PRPH: variants seen among roughly 807,000 people sequenced by gnomAD.
The protein encoded by PRPH is peripherin.
Under a neutral mutation model 52.6 loss-of-function variants are expected in PRPH, and 48 were observed. That is an observed-to-expected ratio of 0.91 (90% CI 0.72 to 1.16). The LOEUF (loss-of-function observed/expected upper bound fraction) is 1.16. Ranked by LOEUF, PRPH falls within the 50% of genes most tolerant of loss-of-function variation. The pLI is 0.00. For missense variants in PRPH, 579 were observed against 635.7 expected (o/e 0.91, Z 0.96); for synonymous variants, 279 against 283.8 (o/e 0.98, Z 0.17).
In PRPH at chr12:49,296,382, G is replaced by T; in HGVS notation, c.607-50G>T. The T allele has an allele frequency of 6.3e-7, 1 of 1,597,828 alleles. No homozygotes were observed. Among genetic ancestry groups the T allele is most frequent in the Non-Finnish European group, 8.6e-7 (1 of 1,166,050 alleles). On this transcript the variant is annotated intron_variant, in intron 2 of 8. Transcript: ENST00000257860. This position sits in a 1 kb window ranked among gnomAD's most constrained non-coding sequence, Gnocchi z 5.1. ...ACAGGGAAGGCCTGGTCCTTCCTTG[G>T]TCTGCGCAGCCCCTAACTTATCTTG...
rs774399677 is a variant in PRPH, at chr12:49,296,493, A to ATGAGATTGAG, written c.670_679dup (p.Phe227Ter). ...GAGCGCAAGATTGAGTCTCTGATGGATGAGATTGAGTTCCTCAAGAAGCTG... is the reference window on the plus strand; with the variant it reads ...GAGCGCAAGATTGAGTCTCTGATGGATGAGATTGAGTGAGATTGAGTTCCTCAAGAAGCTG... On this transcript the variant is annotated frameshift_variant, in exon 3 of 9. Coordinates refer to ENST00000257860, the MANE Select transcript of PRPH (RefSeq NM_006262.4). LOFTEE classifies it high-confidence loss of function. This position sits in a 1 kb window ranked among gnomAD's most constrained non-coding sequence, Gnocchi z 5.1. 1.2e-5 allele frequency: 19 copies of ATGAGATTGAG among 1,614,154 alleles called. No individual in the cohort carries two copies. Among genetic ancestry groups the ATGAGATTGAG allele is most frequent in the South Asian group, 2.2e-5 (2 of 91,072 alleles).
chr12:49,297,914 T>C lies in PRPH; in HGVS notation c.1268-44T>C. ...AGCAGTGGGAGCCTAAGAGGAGAGATTCCCACGCCTTCCCCCTTGAACCCT... is the reference window on the plus strand; with the variant it reads ...AGCAGTGGGAGCCTAAGAGGAGAGACTCCCACGCCTTCCCCCTTGAACCCT... On this transcript the variant is annotated intron_variant, in intron 7 of 8. Coordinates refer to ENST00000257860, the MANE Select transcript of PRPH (RefSeq NM_006262.4). The surrounding 1 kb of genome is among the most constrained non-coding windows in gnomAD (Gnocchi z 4.4). 1 of 1,607,080 alleles carries C rather than the reference T, an allele frequency of 6.2e-7. No homozygotes were observed. The highest frequency in any genetic ancestry group is 8.5e-7 in the Non-Finnish European group (1 of 1,173,794).
Position 49,297,297 on chromosome 12 carries a change from G to A in PRPH, c.996+24G>A, listed in dbSNP as rs1485349717. 2.5e-6 allele frequency: 4 copies of A among 1,613,704 alleles called. No individual in the cohort carries two copies. Among genetic ancestry groups the A allele is most frequent in the Admixed American group, 1.7e-5 (1 of 59,990 alleles). The stretch of plus-strand genomic sequence containing the variant: ...CGGTGAGTACGAAGCTGCGCGCTCG[G>A]GCCCGGGGAGCGGACGATGAAATGT... On this transcript the variant is annotated intron_variant, in intron 5 of 8. Transcript: ENST00000257860. The surrounding 1 kb of genome is among the most constrained non-coding windows in gnomAD (Gnocchi z 4.4).
At position 49,295,760 on chromosome 12, in the gene PRPH, C is replaced by A. The variant is rs1010820867; in HGVS notation, c.545+15C>A. 6 of 1,465,588 alleles carry A rather than the reference C, an allele frequency of 4.1e-6. No individual in the cohort carries two copies. The African/African-American group carries it at 8.6e-5, about 21-fold the overall frequency. The allele number at this position is 1,465,588 out of a possible 1,614,324, so 90.8% of individuals were successfully genotyped here. On this transcript the variant is annotated intron_variant, in intron 1 of 8. Coordinates refer to ENST00000257860, the MANE Select transcript of PRPH (RefSeq NM_006262.4). ...CTCAAGCAGAGGTCAGGGGGCAGGG[C>A]TGGGCCGCTGCCGTCGAGGCGAGGT... is the stretch of plus-strand genomic sequence containing the variant.
rs1943207704 is a variant in PRPH at position 49,297,746 on chromosome 12, T to C, written c.1267+20T>C. 2 of 1,611,218 alleles carry C rather than the reference T, an allele frequency of 1.2e-6. No homozygotes were observed. The highest frequency in any genetic ancestry group is 1.3e-5 in the African/African-American group (1 of 74,830). On this transcript the variant is annotated intron_variant, in intron 7 of 8. Coordinates refer to ENST00000257860, the MANE Select transcript of PRPH (RefSeq NM_006262.4). The surrounding 1 kb of genome is among the most constrained non-coding windows in gnomAD (Gnocchi z 4.4). ...CGACTGGTGAGTCTGGCTTACAGCC[T>C]GTACCTCTCCTTGTCCACTTCTGCC...
At position 49,297,381 on chromosome 12, in the gene PRPH, A is replaced by G. The variant is rs1454697514; in HGVS notation, c.1021A>G (p.Arg341Gly). ...GTNEALLRQL[R>G]ELEEQFALEA... ...GAACGAGGCGCTGCTCAGGCAGTTG[A>G]GAGAGCTGGAGGAGCAGTTCGCCCT... Residue 341 changes from arginine to glycine, a missense_variant, in exon 6 of 9, where the codon AGA becomes GGA. Arg to Gly is a moderately radical substitution (Grantham distance 125). Transcript: ENST00000257860. This position sits in a 1 kb window ranked among gnomAD's most constrained non-coding sequence, Gnocchi z 4.4. 4 of 1,613,448 alleles carry G rather than the reference A, an allele frequency of 2.5e-6. No individual in the cohort carries two copies. The highest frequency in any genetic ancestry group is 4.5e-5 in the East Asian group (2 of 44,872).
chr12:49,296,997 C>T lies in PRPH; in HGVS notation c.811C>T (p.Gln271Ter), dbSNP rs1053264674. 34 of 1,613,662 alleles carry T rather than the reference C, an allele frequency of 2.1e-5. No individual in the cohort carries two copies. The highest frequency in any genetic ancestry group is 2.7e-5 in the Non-Finnish European group (32 of 1,179,974). ...GGCAGCGCTGAGGGACATCCGCGCG[C>T]AGTACGAGAGCATCGCCGCGAAGAA... is the stretch of plus-strand genomic sequence containing the variant. Reference protein sequence around the residue: ...LTAALRDIRAQYESIAAKNLQ... With the variant: ...LTAALRDIRA The change falls in exon 4 of 9, where the codon CAG (glutamine) becomes TAG (stop). Residue 271 changes from glutamine to a stop codon, truncating the protein, a stop_gained. Transcript: ENST00000257860. LOFTEE classifies it high-confidence loss of function. This position sits in a 1 kb window ranked among gnomAD's most constrained non-coding sequence, Gnocchi z 5.1.
chr12:49,295,175 A>C lies in PRPH; in HGVS notation c.-26A>C. 6.2e-7 allele frequency: 1 copy of C among 1,606,956 alleles called. No homozygotes were observed. The highest frequency in any genetic ancestry group is 8.5e-7 in the Non-Finnish European group (1 of 1,178,112). On this transcript the variant is annotated 5_prime_UTR_variant, in exon 1 of 9. Coordinates refer to ENST00000257860, the MANE Select transcript of PRPH (RefSeq NM_006262.4). ...CCCAGCCCCCGGCCTAGCTCTGCGAACGGTGACTGCCCATCCTTGGCCGCA... is the reference window on the plus strand; with the variant it reads ...CCCAGCCCCCGGCCTAGCTCTGCGACCGGTGACTGCCCATCCTTGGCCGCA...
In PRPH at chr12:49,297,363, G is replaced by A. The variant is rs980280041; in HGVS notation, c.1003G>A (p.Ala335Thr). 1 of 1,613,660 alleles carries A rather than the reference G, an allele frequency of 6.2e-7. No homozygotes were observed. The highest frequency in any genetic ancestry group is 8.5e-7 in the Non-Finnish European group (1 of 1,179,960). Residue 335 changes from alanine (A) to threonine (T), a missense_variant, in exon 6 of 9, where the codon GCG becomes ACG. Transcript: ENST00000257860. The surrounding 1 kb of genome is among the most constrained non-coding windows in gnomAD (Gnocchi z 4.4). The part of the protein sequence containing the change: ...EVDGLRGTNE[A>T]LLRQLRELEE... ...TTCCACTCTCCTACCCCAGAACGAG[G>A]CGCTGCTCAGGCAGTTGAGAGAGCT...
At position 49,297,523 on chromosome 12, in the gene PRPH, C is replaced by T; in HGVS notation, c.1163C>T (p.Ala388Val). ...EYQELLNVKMALDIEIATYRK... is the reference protein window; with the variant it reads ...EYQELLNVKMVLDIEIATYRK... ...CAGGAGCTCCTCAACGTCAAGATGGCCCTGGACATCGAGATCGCCACCTAC... is the reference window on the plus strand; with the variant it reads ...CAGGAGCTCCTCAACGTCAAGATGGTCCTGGACATCGAGATCGCCACCTAC... Residue 388 changes from alanine to valine, a missense_variant, in exon 6 of 9, where the codon GCC becomes GTC. By Grantham distance (64) the Ala-to-Val change is moderately conservative (BLOSUM62 0). Coordinates refer to ENST00000257860, the MANE Select transcript of PRPH (RefSeq NM_006262.4). This position sits in a 1 kb window ranked among gnomAD's most constrained non-coding sequence, Gnocchi z 4.4. 3 of 1,612,352 alleles carry T rather than the reference C, an allele frequency of 1.9e-6. No homozygotes were observed. The highest frequency in any genetic ancestry group is 2.5e-6 in the Non-Finnish European group (3 of 1,179,902).
chr12:49,297,844 C>G lies in PRPH; in HGVS notation c.1268-114C>G. Reference sequence around the variant, plus strand: ...CGGAACTTCTGGGTCCTGGCCTGTACCCACCCCTACTCCTCAAACCCGCCC... The same window carrying G: ...CGGAACTTCTGGGTCCTGGCCTGTAGCCACCCCTACTCCTCAAACCCGCCC... On this transcript the variant is annotated intron_variant, in intron 7 of 8. Transcript: ENST00000257860. This position sits in a 1 kb window ranked among gnomAD's most constrained non-coding sequence, Gnocchi z 4.4. 2.5e-6 allele frequency: 4 copies of G among 1,578,250 alleles called. No individual in the cohort carries two copies. Among genetic ancestry groups the G allele is most frequent in the Non-Finnish European group, 3.5e-6 (4 of 1,148,310 alleles).
chr12:49,296,063 A>C lies in PRPH; in HGVS notation c.546-115A>C, dbSNP rs1943174290. 2 of 1,351,986 alleles carry C rather than the reference A, an allele frequency of 1.5e-6. No homozygotes were observed. The highest frequency in any genetic ancestry group is 2.5e-5 in the South Asian group (2 of 80,350). 83.7% of individuals were successfully genotyped at this position (1,351,986 alleles called of 1,614,324 possible). The stretch of plus-strand genomic sequence containing the variant: ...TTCCATTAGACAGCCTCAGCCCTCC[A>C]TTTAGAGTCCTGGGCAGCAGAACAG... On this transcript the variant is annotated intron_variant, in intron 1 of 8. Coordinates refer to ENST00000257860, the MANE Select transcript of PRPH (RefSeq NM_006262.4). The surrounding 1 kb of genome is among the most constrained non-coding windows in gnomAD (Gnocchi z 5.1).
rs1366976826 is a variant in PRPH, at chr12:49,295,296, C to T, written c.96C>T (p.Phe32=). The T allele has an allele frequency of 3.7e-6, 6 of 1,611,842 alleles. No individual in the cohort carries two copies. Among genetic ancestry groups the T allele is most frequent in the Non-Finnish European group, 5.1e-6 (6 of 1,179,662 alleles). Residue 32 remains phenylalanine (F), a synonymous_variant, in exon 1 of 9, where the codon TTC becomes TTT. Transcript: ENST00000257860. ...CGCCCTCACTATCCCCCGGGGCCTT[C>T]TCCTACTCGTCCAGCTCCCGCTTCT... The part of the protein sequence containing the change: ...GPPPSLSPGA[F]SYSSSSRFSS...
Position 49,297,182 on chromosome 12 carries a change from A to T in PRPH, c.905A>T (p.His302Leu), listed in dbSNP as rs1265192073. ...CTGTCCGACGCTGCCAACCGGAACCACGAGGCCCTGCGCCAGGCCAAGCAG... is the reference window on the plus strand; with the variant it reads ...CTGTCCGACGCTGCCAACCGGAACCTCGAGGCCCTGCGCCAGGCCAAGCAG... ...ADLSDAANRNHEALRQAKQEM... is the reference protein window; with the variant it reads ...ADLSDAANRNLEALRQAKQEM... The change falls in exon 5 of 9, where the codon CAC becomes CTC. Residue 302 changes from histidine to leucine, a missense_variant. Transcript: ENST00000257860. The surrounding 1 kb of genome is among the most constrained non-coding windows in gnomAD (Gnocchi z 4.4). 6.2e-7 allele frequency: 1 copy of T among 1,613,990 alleles called. No homozygotes were observed. The highest frequency in any genetic ancestry group is 2.2e-5 in the East Asian group (1 of 44,864).
In PRPH at chr12:49,296,105, G is replaced by A; in HGVS notation, c.546-73G>A. 1 of 1,498,618 alleles carries A rather than the reference G, an allele frequency of 6.7e-7. No homozygotes were observed. Among genetic ancestry groups the A allele is most frequent in the Non-Finnish European group, 9.1e-7 (1 of 1,096,406 alleles). The allele number at this position is 1,498,618 out of a possible 1,614,324, so 92.8% of individuals were successfully genotyped here. On this transcript the variant is annotated intron_variant, in intron 1 of 8. Transcript: ENST00000257860. The surrounding 1 kb of genome is among the most constrained non-coding windows in gnomAD (Gnocchi z 5.1). ...GCAGAACAGCCTCTAACCGGATCCT[G>A]GGGGGCGTGCGGTCTGGGGTGCGAG...
Position 49,296,719 on chromosome 12 carries a change from C to T in PRPH, c.703-170C>T, listed in dbSNP as rs1157721364. The T allele has an allele frequency of 2.5e-5, 30 of 1,212,074 alleles. No individual in the cohort carries two copies. Among genetic ancestry groups the T allele is most frequent in the Non-Finnish European group, 3.5e-5 (30 of 868,586 alleles). 75.1% of individuals were successfully genotyped at this position (1,212,074 alleles called of 1,614,324 possible). On this transcript the variant is annotated intron_variant, in intron 3 of 8. Transcript: ENST00000257860. This position sits in a 1 kb window ranked among gnomAD's most constrained non-coding sequence, Gnocchi z 5.1. The stretch of plus-strand genomic sequence containing the variant: ...GCGGCGGGCAGCGGGGCTGTACCTC[C>T]GAAACCTGGCCTCTGGTCTCGCGCC...
intron 1 of PRPH, chr12:49,295,950 G>A: frequency 6.9e-7 from 1 of 1,445,990 alleles, no homozygotes; most frequent in Non-Finnish European, 9.1e-7. Flanking sequence ...TGTTTGGGGA[G>A]GTGGGAGAAG....
At position 49,296,140 on chromosome 12, in the gene PRPH, G is replaced by T; in HGVS notation, c.546-38G>T. 6.9e-6 allele frequency: 11 copies of T among 1,602,584 alleles called. No individual in the cohort carries two copies. The highest frequency in any genetic ancestry group is 9.4e-6 in the Non-Finnish European group (11 of 1,176,120). ...CGGTCTGGGGTGCGAGCTGGGCGGC[G>T]ACCCCGCAGTTCAGCCTCTGCACGC... On this transcript the variant is annotated intron_variant, in intron 1 of 8. Transcript: ENST00000257860. This position sits in a 1 kb window ranked among gnomAD's most constrained non-coding sequence, Gnocchi z 5.1.
Position 49,296,699 on chromosome 12 carries a change from G to A in PRPH, c.702+172G>A. On this transcript the variant is annotated intron_variant, in intron 3 of 8. Transcript: ENST00000257860. This position sits in a 1 kb window ranked among gnomAD's most constrained non-coding sequence, Gnocchi z 5.1. ...TCCCACCCTTGCGCCACCTGGCGGC[G>A]GGCAGCGGGGCTGTACCTCCGAAAC... 1 of 1,138,650 alleles carries A rather than the reference G, an allele frequency of 8.8e-7. No homozygotes were observed. Among genetic ancestry groups the A allele is most frequent in the Non-Finnish European group, 1.3e-6 (1 of 797,478 alleles). The allele number at this position is 1,138,650 out of a possible 1,614,324, so 70.5% of individuals were successfully genotyped here.
Sources: gnomAD v4.1 joint callset for allele counts on GRCh38, gnomAD v4.1.1 for gene constraint, Gnocchi (gnomAD v3.1) non-coding constraint, MANE v1.5 for transcripts, NCBI Gene and HGNC (gene_info 2026-07-23, HGNC 2026-07-21) for gene names.